PCDH15: variants seen among roughly 807,000 people sequenced by gnomAD.
The protein encoded by PCDH15 is protocadherin related 15.
Under a neutral mutation model 178.5 loss-of-function variants are expected in PCDH15, and 129 were observed. That is an observed-to-expected ratio of 0.72 (90% CI 0.63 to 0.84). The LOEUF is 0.84. Ranked by LOEUF, PCDH15 falls within the 40% of genes least tolerant of loss-of-function variation. The pLI, the probability that PCDH15 is intolerant of heterozygous loss-of-function variation, is 0.00. For missense variants in PCDH15, 2,230 were observed against 2,099.9 expected (o/e 1.06, Z -1.21); for synonymous variants, 800 against 732.0 (o/e 1.09, Z -1.50).
chr10:55,453,430 T>C (rs775933120), intron 2 of PCDH15, among the ~76,000 whole-genome samples: 5 of 152,134 alleles, frequency 3.3e-5, no homozygotes, highest in Non-Finnish European at 5.9e-5. Context: ...CTATGAAAAA[T>C]ACTCAAAAGC....
intron 13 of PCDH15, among the ~76,000 whole-genome samples, chr10:54,159,087 T>A (rs1043076381): frequency 6.9e-6 from 1 of 145,108 alleles, no homozygotes; most frequent in African/African-American, 2.6e-5. Context: ...CCAGCCTGGG[T>A]GACAGAGTGA....
intron 2 of PCDH15, among the ~76,000 whole-genome samples, chr10:55,066,520 CAT>C (rs1431399374): frequency 6.7e-6 from 1 of 149,106 alleles, no homozygotes; most frequent in African/African-American, 2.4e-5. Context: ...TCACAAATTA[CAT>C]GAGGCTTTTA....
chr10:55,348,815 C>T (rs1180331503), intron 2 of PCDH15, among the ~76,000 whole-genome samples: 1 of 151,994 alleles, frequency 6.6e-6, no homozygotes. Flanking sequence ...GTATCAAGGG[C>T]CAGATTACCT....
At chr10:54,516,089 C>A (rs1367465933) in intron 3 of PCDH15, among the ~76,000 whole-genome samples, 10 of 152,160 alleles carry the variant, frequency 6.6e-5, no homozygotes, top group Non-Finnish European at 1.2e-4. Context: ...AAGCAGAGCG[C>A]CTCTCCTCCT....
chr10:55,598,508 A>T (rs1373051307), intron 2 of PCDH15, among the ~76,000 whole-genome samples: 1 of 115,766 alleles, frequency 8.6e-6, no homozygotes, highest in East Asian at 2.4e-4. Flanking sequence ...GCTTCAGCAA[A>T]CCCTAATATA....
intron 30 of PCDH15, 194 bp downstream of exon 30, chr10:53,831,121 G>A: frequency 1.3e-6 from 1 of 765,894 alleles, no homozygotes; most frequent in Non-Finnish European, 2.4e-6. Context: ...TGGGCCATCA[G>A]TGAAAAATGT....
chr10:55,127,796 AT>A (rs1349433030), intron 2 of PCDH15, among the ~76,000 whole-genome samples: 1 of 152,068 alleles, frequency 6.6e-6, no homozygotes, highest in Non-Finnish European at 1.5e-5. Context: ...CCTTGGAGAC[AT>A]TCCATTTTTT....
chr10:54,557,487 T>G (rs2087454168), intron 2 of PCDH15, among the ~76,000 whole-genome samples: 1 of 152,194 alleles, frequency 6.6e-6, no homozygotes, highest in African/African-American at 2.4e-5. Context: ...GGGCCTCATT[T>G]TGAGATATAC....
intron 20 of PCDH15, among the ~76,000 whole-genome samples, chr10:54,008,952 C>T (rs752910590): frequency 3.9e-4 from 59 of 152,014 alleles, no homozygotes; most frequent in Non-Finnish European, 7.1e-4. Context: ...ATATTATATT[C>T]CCTAAATATT....
At chr10:54,856,564 G>A (rs921887954) in intron 3 of PCDH15, among the ~76,000 whole-genome samples, 1 of 152,040 alleles carries the variant, frequency 6.6e-6, no homozygotes, top group Non-Finnish European at 1.5e-5. Context: ...CTATTTTATA[G>A]CTTCCCTAAT....
chr10:54,649,149 G>A (rs566764720), intron 2 of PCDH15, among the ~76,000 whole-genome samples: 6 of 152,100 alleles, frequency 3.9e-5, no homozygotes, highest in Admixed American at 6.6e-5. Context: ...ATCCACTAGC[G>A]TTATAAACAA....
chr10:54,419,043 T>A (rs1954854129), intron 3 of PCDH15, among the ~76,000 whole-genome samples: 1 of 152,004 alleles, frequency 6.6e-6, no homozygotes, highest in African/African-American at 2.4e-5. Flanking sequence ...ATTATAGTAG[T>A]TATTTTATCT....
chr10:54,050,321 C>A (rs2093741251), intron 18 of PCDH15, among the ~76,000 whole-genome samples: 2 of 152,136 alleles, frequency 1.3e-5, no homozygotes, highest in South Asian at 4.1e-4. Context: ...TTATCCATTT[C>A]ATCTACATTT....
intron 2 of PCDH15, among the ~76,000 whole-genome samples, chr10:55,028,979 ATT>A (rs36097372): frequency 7.9e-5 from 12 of 151,500 alleles, no homozygotes; most frequent in Non-Finnish European, 1.5e-4. Context: ...TTGCATTCAA[ATT>A]TTTTTTGAGT....
At position 55,394,675 on chromosome 10, in the gene PCDH15, A is replaced by G. The variant is rs147388921; in HGVS notation, c.-155-228024T>C. ...TTCCTCAACTTGTAAAACATCTTCC[A>G]GTAGAAAATTAAAAAAAAAAAAACT... On this transcript the variant is annotated intron_variant, in intron 2 of 5. Transcript: ENST00000613346. Among the ~76,000 whole-genome samples the G allele has an allele frequency of 3.7e-3, 566 of 151,860 alleles. 4 individuals carry two copies. Among genetic ancestry groups the G allele is most frequent in the African/African-American group, 0.011 (470 of 41,408 alleles).
intron 2 of PCDH15, among the ~76,000 whole-genome samples, chr10:55,052,756 A>T (rs1841199086): frequency 6.6e-6 from 1 of 151,970 alleles, no homozygotes; most frequent in South Asian, 2.1e-4. Flanking sequence ...ATGAAAGTAC[A>T]TTAACAAAAT....
At chr10:54,877,936 CTCTTTTTTTT>C (rs1591758807) in intron 3 of PCDH15, among the ~76,000 whole-genome samples, 2 of 104,352 alleles carry the variant, frequency 1.9e-5, no homozygotes, top group Non-Finnish European at 4.0e-5. Context: ...CTCTCTCTCT[CTCTTTTTTTT>C]TTTTTTTTTT....
chr10:54,184,888 TC>T (rs1260832673), intron 12 of PCDH15, among the ~76,000 whole-genome samples: 1 of 152,054 alleles, frequency 6.6e-6, no homozygotes, highest in Non-Finnish European at 1.5e-5. Context: ...ATTCTCACTT[TC>T]TTTTTTTTTT....
intron 2 of PCDH15, among the ~76,000 whole-genome samples, chr10:55,498,446 G>C (rs1319148013): frequency 6.6e-6 from 1 of 151,798 alleles, no homozygotes; most frequent in Admixed American, 6.6e-5. Flanking sequence ...ATAAAAAACT[G>C]TTCAAGTGAC....
Sources: gnomAD v4.1 joint callset for allele counts (sites outside exome capture counted in the v4.1 genomes callset) on GRCh38, gnomAD v4.1.1 for gene constraint, MANE v1.5 for transcripts, NCBI Gene and HGNC (gene_info 2026-07-23, HGNC 2026-07-21) for gene names.